MORN1: variants seen among roughly 807,000 people sequenced by gnomAD.
MORN1 encodes the protein MORN repeat containing 1.
A neutral mutation model predicts 61.9 loss-of-function variants in MORN1; 67 were observed. The observed-to-expected ratio is 1.08, with a 90% CI of 0.89 to 1.33. The LOEUF (loss-of-function observed/expected upper bound fraction) is 1.33. Among genes scored for constraint, MORN1 ranks in the 40% most tolerant of loss-of-function variants. The probability of loss-of-function intolerance (pLI) is 0.00; values close to 1 mark genes in which losing one functional copy is unlikely to be tolerated. For synonymous variants in MORN1, 301 were observed against 292.0 expected (o/e 1.03, Z -0.31); for missense variants, 752 against 691.2 (o/e 1.09, Z -0.99).
At chr1:2,324,939 T>C (rs1220617121) in intron 12 of MORN1, among the ~76,000 whole-genome samples, 1 of 150,252 alleles carries the variant, frequency 6.7e-6, no homozygotes, top group Non-Finnish European at 1.5e-5. Flanking sequence ...GCCATGGCCC[T>C]GGCGGGGAGG....
chr1:2,325,110 TTCCCTTCCTTCCC>T (rs1553205766), intron 12 of MORN1, among the ~76,000 whole-genome samples: 1 of 45,928 alleles, frequency 2.2e-5, no homozygotes, highest in Non-Finnish European at 4.0e-5. Flanking sequence ...TCCCCTTTCC[TTCCCTTCCTTCCC>T]TTCCTTCCTT....
chr1:2,327,107 C>CACAGAAACAA (rs1641043322), intron 12 of MORN1, among the ~76,000 whole-genome samples: 1 of 149,392 alleles, frequency 6.7e-6, no homozygotes, highest in African/African-American at 2.5e-5. Context: ...CACACAGAAA[C>CACAGAAACAA]ACACAGAAAC....
chr1:2,384,428 C>T (rs1235225486), intron 6 of MORN1, among the ~76,000 whole-genome samples: 1 of 152,220 alleles, frequency 6.6e-6, no homozygotes, highest in Admixed American at 6.5e-5. Context: ...CCCAAATCTG[C>T]CTCTTTGGCA....
chr1:2,322,381 C>T, intron 13 of MORN1: 1 of 985,440 alleles, frequency 1.0e-6, no homozygotes, highest in Non-Finnish European at 1.2e-6. Context: ...AGTCGGCTCA[C>T]ACCGCAAGGC....
chr1:2,353,901 G>A (rs1327758735), intron 10 of MORN1, among the ~76,000 whole-genome samples: 1 of 152,238 alleles, frequency 6.6e-6, no homozygotes, highest in Non-Finnish European at 1.5e-5. Context: ...ATGGAATGAA[G>A]GGTAACAATT....
rs1362882210 is a variant in MORN1, at chr1:2,352,107, T to C, written c.1036+5325A>G. Reference sequence around the variant, plus strand: ...ACTTTTTCCCCTGCAATGTGTCTTGTGAAATTGTGTAGAGTGTTTGTGAGC... The same window carrying C: ...ACTTTTTCCCCTGCAATGTGTCTTGCGAAATTGTGTAGAGTGTTTGTGAGC... On this transcript the variant is annotated intron_variant, in intron 10 of 13. Coordinates refer to ENST00000378531, the MANE Select transcript of MORN1 (RefSeq NM_024848.3). 8.6e-6 allele frequency: 4 copies of C among 465,174 alleles called. No individual in the cohort carries two copies. In the Admixed American group the frequency reaches 1.1e-4, roughly 13 times the overall value. 28.8% of individuals were successfully genotyped at this position (465,174 alleles called of 1,614,324 possible).
intron 3 of MORN1, 184 bp from the exon 4 acceptor site, chr1:2,387,713 A>G: frequency 3.4e-6 from 2 of 595,812 alleles, no homozygotes; most frequent in East Asian, 2.8e-5. Flanking sequence ...GGTCTCCCCA[A>G]CAGCTGGGCA....
rs1466443399 is a variant in MORN1 at position 2,372,447 on chromosome 1, A to C, written c.745+34T>G. 2 of 1,528,066 alleles carry C rather than the reference A, an allele frequency of 1.3e-6. No homozygotes were observed. The highest frequency in any genetic ancestry group is 1.8e-6 in the Non-Finnish European group (2 of 1,113,532). 94.7% of individuals were successfully genotyped at this position (1,528,066 alleles called of 1,614,324 possible). ...AACCTGCTGCCTGTTTCTCTTTTGGAAACGTTAGGTCATCTCCCCCTGGAG... is the reference window on the plus strand; with the variant it reads ...AACCTGCTGCCTGTTTCTCTTTTGGCAACGTTAGGTCATCTCCCCCTGGAG... On this transcript the variant is annotated intron_variant, in intron 8 of 13. Coordinates refer to ENST00000378531, the MANE Select transcript of MORN1 (RefSeq NM_024848.3). This position sits in a 1 kb window ranked among gnomAD's most constrained non-coding sequence, Gnocchi z 5.4.
intron 8 of MORN1, among the ~76,000 whole-genome samples, chr1:2,366,965 TAGAAAAATAC>T (rs1345988550): frequency 1.7e-5 from 1 of 60,310 alleles, no homozygotes; most frequent in African/African-American, 6.3e-5. Context: ...ACAAAATACA[TAGAAAAATAC>T]ATAGAAAAAT....
At chr1:2,361,141 C>T (rs1403972002) in intron 8 of MORN1, among the ~76,000 whole-genome samples, 1 of 152,156 alleles carries the variant, frequency 6.6e-6, no homozygotes, top group South Asian at 2.1e-4. Context: ...GAGAAAAATC[C>T]ATCTACTGAA....
intron 10 of MORN1, among the ~76,000 whole-genome samples, chr1:2,353,028 G>T (rs1457440120): frequency 6.6e-6 from 1 of 152,194 alleles, no homozygotes; most frequent in East Asian, 1.9e-4. Context: ...GAAACTTGAG[G>T]CTGGGACCAG....
chr1:2,322,086 C>G, intron 13 of MORN1: 1 of 985,452 alleles, frequency 1.0e-6, no homozygotes, highest in Non-Finnish European at 1.2e-6. Context: ...TTCCCCACAC[C>G]CGCGCTGGGG....
intron 10 of MORN1, among the ~76,000 whole-genome samples, chr1:2,345,752 G>A (rs1311717578): frequency 6.6e-6 from 1 of 152,174 alleles, no homozygotes; most frequent in East Asian, 1.9e-4. Flanking sequence ...TGCCAGCCAA[G>A]CTCACGCCAG....
In MORN1 at chr1:2,388,799, A is replaced by G. The variant is rs1229057835; in HGVS notation, c.149-462T>C. The stretch of plus-strand genomic sequence containing the variant: ...TCAAAAAAAAAAAAAAAAAAAAAAA[A>G]AGAGAGAGAGAGAAGAAAACTAGGC... On this transcript the variant is annotated intron_variant, in intron 2 of 13. Coordinates refer to ENST00000378531, the MANE Select transcript of MORN1 (RefSeq NM_024848.3). Among the ~76,000 whole-genome samples the G allele has an allele frequency of 1.9e-3, 249 of 129,892 alleles. 1 individual carries two copies. The highest frequency in any genetic ancestry group is 4.2e-3 in the Middle Eastern group (1 of 238). The allele number at this position is 129,892 out of a possible 152,430, so 85.2% of individuals were successfully genotyped here. A position where few individuals can be genotyped will look rare whatever the true frequency, so the allele number is the denominator to read the frequency against.
At chr1:2,335,839 AGCCCAGC>A (rs955800619) in intron 12 of MORN1, among the ~76,000 whole-genome samples, 23 of 150,084 alleles carry the variant, frequency 1.5e-4, no homozygotes, top group African/African-American at 5.6e-4. Context: ...AGCCCAGCCC[AGCCCAGC>A]GCGCAGCTGC....
chr1:2,336,645 G>A, intron 11 of MORN1, 72 bp downstream of exon 11: 2 of 1,574,138 alleles, frequency 1.3e-6, no homozygotes, highest in Non-Finnish European at 1.7e-6. Context: ...TGGCCTGGGT[G>A]TTGAGGTGGT....
At position 2,357,784 on chromosome 1, in the gene MORN1, C is replaced by T. The variant is rs1221749598; in HGVS notation, c.870-186G>A. ...TTGAGGCCCAGAGAGAAAAAAGACT[C>T]GCCAGGGAGAAGACAGCAGGTCTTG... On this transcript the variant is annotated intron_variant, in intron 9 of 13. Transcript: ENST00000378531. The surrounding 1 kb of genome is among the most constrained non-coding windows in gnomAD (Gnocchi z 6.3). 6.6e-6 allele frequency among the ~76,000 whole-genome samples: 1 copy of T among 152,124 alleles called. No individual in the cohort carries two copies. Among genetic ancestry groups the T allele is most frequent in the Non-Finnish European group, 1.5e-5 (1 of 68,030 alleles).
At chr1:2,374,003 T>C (rs910560570) in intron 7 of MORN1, among the ~76,000 whole-genome samples, 5 of 152,198 alleles carry the variant, frequency 3.3e-5, no homozygotes, top group Non-Finnish European at 7.4e-5. Context: ...CTGGCTAGAC[T>C]GACCCCTGGG....
intron 12 of MORN1, chr1:2,332,298 G>C (rs1246082270): frequency 7.1e-6 from 2 of 281,754 alleles, no homozygotes; most frequent in South Asian, 3.3e-5. Flanking sequence ...TGGCTGTTCT[G>C]AGGGACAGGG....
Sources: gnomAD v4.1 joint callset for allele counts (sites outside exome capture counted in the v4.1 genomes callset) on GRCh38, gnomAD v4.1.1 for gene constraint, Gnocchi (gnomAD v3.1) non-coding constraint, MANE v1.5 for transcripts, NCBI Gene and HGNC (gene_info 2026-07-23, HGNC 2026-07-21) for gene names.